The following PEX14 variants were observed in gnomAD, a reference collection of about 807,000 sequenced individuals.
PEX14 encodes peroxisomal membrane protein PEX14.
Under a neutral mutation model 49.5 loss-of-function variants are expected in PEX14, and 15 were observed. The ratio of observed to expected loss-of-function variants is 0.30; its 90% CI spans 0.20 to 0.47. The LOEUF is 0.47. PEX14 is among the 20% of genes least tolerant of loss of function. The pLI is 1.00. For synonymous variants in PEX14, 210 were observed against 212.7 expected (o/e 0.99, Z 0.11); for missense variants, 398 against 494.8 (o/e 0.80, Z 1.86).
intron 1 of PEX14, among the ~76,000 whole-genome samples, chr1:10,491,215 G>A (rs1258360689): frequency 6.6e-6 from 1 of 151,768 alleles, no homozygotes; most frequent in African/African-American, 2.4e-5. Flanking sequence ...TTAAAAAAAT[G>A]TTCACAGGGT....
intron 3 of PEX14, among the ~76,000 whole-genome samples, chr1:10,574,191 TATTAC>T (rs1284194143): frequency 6.6e-6 from 1 of 152,094 alleles, no homozygotes; most frequent in East Asian, 1.9e-4. Flanking sequence ...CAAAAGGAAA[TATTAC>T]ATAAGAAGAA....
chr1:10,553,667 C>T (rs1167073083), intron 3 of PEX14, among the ~76,000 whole-genome samples: 2 of 152,148 alleles, frequency 1.3e-5, no homozygotes, highest in East Asian at 3.9e-4. Flanking sequence ...GAGAAGGTCC[C>T]ACTGATTTGG....
intron 3 of PEX14, among the ~76,000 whole-genome samples, chr1:10,568,665 T>C (rs1639884412): frequency 6.6e-6 from 1 of 152,202 alleles, no homozygotes; most frequent in Non-Finnish European, 1.5e-5. Context: ...AATTTGTTCA[T>C]GCCTTTGTGT....
intron 3 of PEX14, among the ~76,000 whole-genome samples, chr1:10,577,761 C>T (rs1183616516): frequency 7.0e-5 from 10 of 142,078 alleles, no homozygotes; most frequent in Admixed American, 1.4e-4. Context: ...CCACCATGCC[C>T]GGCTAATTTT....
chr1:10,561,338 T>A (rs1639648508), intron 3 of PEX14, among the ~76,000 whole-genome samples: 1 of 152,264 alleles, frequency 6.6e-6, no homozygotes, highest in South Asian at 2.1e-4. Context: ...CTGCCATGTC[T>A]CTTTATCTAG....
intron 3 of PEX14, among the ~76,000 whole-genome samples, chr1:10,574,631 C>G (rs1304290775): frequency 6.6e-6 from 1 of 152,028 alleles, no homozygotes; most frequent in East Asian, 1.9e-4. Flanking sequence ...ACAGGAGATG[C>G]TACACACAAT....
At chr1:10,614,621 G>A (rs1184237393) in intron 4 of PEX14, among the ~76,000 whole-genome samples, 2 of 152,212 alleles carry the variant, frequency 1.3e-5, no homozygotes, top group African/African-American at 2.4e-5. Flanking sequence ...CAAACTCCAG[G>A]TGCTGGTCAA....
chr1:10,607,624 T>C (rs1438975840), intron 4 of PEX14, among the ~76,000 whole-genome samples: 1 of 152,234 alleles, frequency 6.6e-6, no homozygotes, highest in Non-Finnish European at 1.5e-5. Flanking sequence ...GGTTTATATT[T>C]CTTTGATGAC....
At chr1:10,535,864 G>A (rs1184793949) in intron 2 of PEX14, 3 of 365,186 alleles carry the variant, frequency 8.2e-6, no homozygotes, top group Non-Finnish European at 1.6e-5. Context: ...CAGAAAGACA[G>A]CATACAGGGC....
At chr1:10,583,540 A>G (rs1640391967) in intron 3 of PEX14, among the ~76,000 whole-genome samples, 1 of 151,960 alleles carries the variant, frequency 6.6e-6, no homozygotes, top group Admixed American at 6.6e-5. Flanking sequence ...ATTTTTATTG[A>G]ATACCTACTA....
rs1316825555 is a variant in PEX14 at position 10,559,514 on chromosome 1, GT to G, written c.169+23218del. Among the ~76,000 whole-genome samples, 3 of 152,294 alleles carry G rather than the reference GT, an allele frequency of 2.0e-5. No homozygotes were observed. The South Asian group carries it at 6.2e-4, about 32-fold the overall frequency. On this transcript the variant is annotated intron_variant, in intron 3 of 8. Transcript: ENST00000356607. ...AGTCCCTTGGCAAACAGATCAGTGA[GT>G]AGACCCCTGTGTGAGACAAAGCCAC... is the stretch of plus-strand genomic sequence containing the variant.
Position 10,600,432 on chromosome 1 carries a change from A to G in PEX14, c.298+1066A>G, listed in dbSNP as rs575188233. ...GCGAAACTCTGCCTCAAAAAAACAA[A>G]CAGGCAGGGTGCAGTGGCTCACATC... On this transcript the variant is annotated intron_variant, in intron 4 of 8. Transcript: ENST00000356607. 5.3e-5 allele frequency among the ~76,000 whole-genome samples: 8 copies of G among 151,072 alleles called. No individual in the cohort carries two copies. The South Asian group carries it at 1.7e-3, about 32-fold the overall frequency.
chr1:10,506,101 C>T (rs1333853115), intron 2 of PEX14, among the ~76,000 whole-genome samples: 1 of 152,116 alleles, frequency 6.6e-6, no homozygotes, highest in African/African-American at 2.4e-5. Flanking sequence ...TCCCATGGAA[C>T]GTACTCACCA....
At position 10,529,779 on chromosome 1, in the gene PEX14, A is replaced by G. The variant is rs7548453; in HGVS notation, c.85-6434A>G. Among the ~76,000 whole-genome samples, 62,124 of 152,064 alleles carry G rather than the reference A, an allele frequency of 0.41. 13,780 individuals carry two copies. Among genetic ancestry groups the G allele is most frequent in the Non-Finnish European group, 0.5 (33,903 of 67,964 alleles). On this transcript the variant is annotated intron_variant, in intron 2 of 8. Coordinates refer to ENST00000356607, the MANE Select transcript of PEX14 (RefSeq NM_004565.3). The surrounding 1 kb of genome is among the most constrained non-coding windows in gnomAD (Gnocchi z 4.2). ...TGTTCTATCATGTCAACTCCTGTGC[A>G]CTTCTACCAGCGGAATTTTATTTCT...
At chr1:10,486,356 C>T (rs1294022313) in intron 1 of PEX14, among the ~76,000 whole-genome samples, 3 of 141,814 alleles carry the variant, frequency 2.1e-5, no homozygotes, top group Admixed American at 7.1e-5. Context: ...TTTTAGTTTG[C>T]TGAGTTTTTT....
chr1:10,513,116 G>A (rs950471827), intron 2 of PEX14, among the ~76,000 whole-genome samples: 4 of 152,142 alleles, frequency 2.6e-5, no homozygotes, highest in African/African-American at 9.7e-5. Context: ...GAGTGTGAGA[G>A]TGTTTTCTAT....
chr1:10,523,402 GGA>G (rs1435625018), intron 2 of PEX14, among the ~76,000 whole-genome samples: 1 of 152,074 alleles, frequency 6.6e-6, no homozygotes, highest in Non-Finnish European at 1.5e-5. Context: ...GTGTCAGCTT[GGA>G]GAGATGAAAT....
rs540273263 is a variant in PEX14 at position 10,500,507 on chromosome 1, G to A, written c.84+5186G>A. Among the ~76,000 whole-genome samples, 289 of 152,060 alleles carry A rather than the reference G, an allele frequency of 1.9e-3. 2 individuals are homozygous for A. Among genetic ancestry groups the A allele is most frequent in the Non-Finnish European group, 2.4e-3 (164 of 68,000 alleles). ...ATTTGTGTCTTCTGTGACTTTTGTG[G>A]TTAGAATACTTTGGTGTACTTGTCG... On this transcript the variant is annotated intron_variant, in intron 2 of 8. Coordinates refer to ENST00000356607, the MANE Select transcript of PEX14 (RefSeq NM_004565.3).
intron 3 of PEX14, among the ~76,000 whole-genome samples, chr1:10,592,176 G>T (rs1458420708): frequency 6.6e-6 from 1 of 152,090 alleles, no homozygotes; most frequent in Non-Finnish European, 1.5e-5. Context: ...GGCTTACTTG[G>T]CATTTAAGTA....
Sources: allele counts gnomAD v4.1 joint callset (sites outside exome capture counted in the v4.1 genomes callset), GRCh38; gene constraint gnomAD v4.1.1; non-coding constraint Gnocchi (gnomAD v3.1); transcripts MANE v1.5; gene names NCBI Gene and HGNC (gene_info 2026-07-23, HGNC 2026-07-21).